The following MYH7B variants were observed in gnomAD, a reference collection of about 807,000 sequenced individuals.
MYH7B encodes myosin heavy chain 7B.
A neutral mutation model predicts 234.5 loss-of-function variants in MYH7B; 205 were observed. The observed-to-expected ratio is 0.87, with a 90% CI of 0.78 to 0.98. The LOEUF (loss-of-function observed/expected upper bound fraction) is 0.98, where lower values mean the gene tolerates loss of function less well. Ranked by LOEUF, MYH7B falls within the 50% of genes least tolerant of loss-of-function variation. The pLI, the probability that MYH7B is intolerant of heterozygous loss-of-function variation, is 0.00. For missense variants in MYH7B, 2,652 were observed against 2,633.4 expected (o/e 1.01, Z -0.15); for synonymous variants, 1,193 against 1,105.0 (o/e 1.08, Z -1.58).
Position 34,987,690 on chromosome 20 carries a change from G to C in MYH7B, c.1266+15G>C. 1 of 1,612,214 alleles carries C rather than the reference G, an allele frequency of 6.2e-7. No individual in the cohort carries two copies. Among genetic ancestry groups the C allele is most frequent in the South Asian group, 1.1e-5 (1 of 90,918 alleles). ...GTGTGGAGCAGGTGAGCTGCCTGCAGGCCAAACCCATGGGGGACAGCCGGG... is the reference window on the plus strand; with the variant it reads ...GTGTGGAGCAGGTGAGCTGCCTGCACGCCAAACCCATGGGGGACAGCCGGG... On this transcript the variant is annotated intron_variant, in intron 17 of 44. Coordinates refer to ENST00000262873, the Ensembl canonical transcript of MYH7B.
chr20:34,966,799 G>C (rs1191956794), intron 2 of MYH7B, among the ~76,000 whole-genome samples: 1 of 152,120 alleles, frequency 6.6e-6, no homozygotes, highest in Non-Finnish European at 1.5e-5. Context: ...GGTGAGGCAC[G>C]CCTATAGTCC....
intron 17 of MYH7B, 40 bp downstream of exon 17, chr20:34,987,715 G>C (rs542887195): frequency 6.2e-7 from 1 of 1,612,598 alleles, no homozygotes; most frequent in African/African-American, 1.3e-5. Context: ...GGACAGCCGG[G>C]CAGGGTCCCC....
At chr20:34,957,748 C>T (rs1461027645) in intron 1 of MYH7B, among the ~76,000 whole-genome samples, 2 of 152,150 alleles carry the variant, frequency 1.3e-5, no homozygotes, top group African/African-American at 4.8e-5. Flanking sequence ...CCCCAGCCTC[C>T]CAGAGTGCTA....
At chr20:34,985,948 A>G in intron 13 of MYH7B, 152 bp from the exon 14 acceptor site, 2 of 673,776 alleles carry the variant, frequency 3.0e-6, no homozygotes, top group Non-Finnish European at 5.3e-6. Context: ...TGACGCAGGC[A>G]CAGGGGAGAT....
At chr20:34,997,331 G>A (rs1414525373) in exon 32 of MYH7B, 14 of 1,546,710 alleles carry the variant, frequency 9.1e-6, no homozygotes, top group East Asian at 2.4e-5. Context: ...GTGCAGAGGC[G>A]GCGCGGGAGC....
chr20:34,982,217 A>G lies in MYH7B; in HGVS notation c.528-242A>G, dbSNP rs187581066. Among the ~76,000 whole-genome samples, 45 of 152,212 alleles carry G rather than the reference A, an allele frequency of 3.0e-4. No homozygotes were observed. The East Asian group carries it at 6.6e-3, about 22-fold the overall frequency. On this transcript the variant is annotated intron_variant, in intron 9 of 44. Transcript: ENST00000262873. ...GGTTTTCTGAGCTGTAACTGAGCCA[A>G]TGGAGTAAAGTGCCGGGCACTGAGT...
chr20:34,987,773 T>G, exon 18 of MYH7B: 3 of 1,614,192 alleles, frequency 1.9e-6, no homozygotes, highest in Non-Finnish European at 2.5e-6. Context: ...AGGTGGTGTT[T>G]GCTGTGGGGG....
At chr20:34,987,814 T>G in exon 18 of MYH7B, 1 of 1,614,102 alleles carries the variant, frequency 6.2e-7, no homozygotes, top group Non-Finnish European at 8.5e-7. Flanking sequence ...GACCGGCTGT[T>G]CAGGTGGCTG....
intron 5 of MYH7B, among the ~76,000 whole-genome samples, chr20:34,978,919 T>G (rs6088667): frequency 0.19 from 29,134 of 151,972 alleles, 2,878 homozygotes; most frequent in Middle Eastern, 0.33. Context: ...CTCAAAGCTC[T>G]GGGGACAGCT....
intron 26 of MYH7B, among the ~76,000 whole-genome samples, 176 bp downstream of exon 26, chr20:34,993,646 G>A (rs868366212): frequency 6.6e-6 from 1 of 152,250 alleles, no homozygotes; most frequent in African/African-American, 2.4e-5. Context: ...CAAAAAACGG[G>A]GTACGGCACT....
At chr20:34,991,549 A>G (rs1297907583) in intron 24 of MYH7B, among the ~76,000 whole-genome samples, 1 of 152,212 alleles carries the variant, frequency 6.6e-6, no homozygotes, top group Non-Finnish European at 1.5e-5. Flanking sequence ...CCTCCAGCAG[A>G]CATCCTAGAA....
chr20:34,999,820 G>C (rs185140784), exon 38 of MYH7B: 87 of 1,603,108 alleles, frequency 5.4e-5, no homozygotes, highest in Non-Finnish European at 6.6e-5. Context: ...AGACCAAGAC[G>C]CTGCGGATCC....
chr20:34,971,402 C>T (rs1202172081), intron 2 of MYH7B, among the ~76,000 whole-genome samples: 1 of 152,180 alleles, frequency 6.6e-6, no homozygotes, highest in Non-Finnish European at 1.5e-5. Flanking sequence ...ACCCCCTCCC[C>T]CCAGTAACCT....
chr20:34,959,373 T>G (rs927209277), intron 2 of MYH7B, among the ~76,000 whole-genome samples: 4 of 152,192 alleles, frequency 2.6e-5, no homozygotes, highest in African/African-American at 4.8e-5. Context: ...GGGAGATGAT[T>G]TGCCCTGAGC....
At chr20:34,988,398 ATG>A in intron 19 of MYH7B, 136 bp downstream of exon 19, 1 of 989,150 alleles carries the variant, frequency 1.0e-6, no homozygotes, top group South Asian at 1.7e-5. Context: ...GTAAGCATGC[ATG>A]TGAGTGTAGT....
intron 32 of MYH7B, among the ~76,000 whole-genome samples, chr20:34,997,954 T>A (rs2082295456): frequency 6.6e-6 from 1 of 152,164 alleles, no homozygotes; most frequent in African/African-American, 2.4e-5. Flanking sequence ...CCTCTCTTCC[T>A]GTCCTGAACC....
chr20:34,994,340 T>C (rs1276131857), exon 27 of MYH7B: 2 of 1,607,238 alleles, frequency 1.2e-6, no homozygotes, highest in East Asian at 4.5e-5. Context: ...CGCCAGGAAC[T>C]GGAGGAGACG....
In MYH7B at chr20:34,994,466, G is replaced by C. The variant is rs987120911; in HGVS notation, c.2700+65G>C. On this transcript the variant is annotated intron_variant, in intron 27 of 44. Transcript: ENST00000262873. ...CCGAGTACCCCTGGCTGCTCTGAGG[G>C]ATAGTACAGCGAGACCCATGGGGCT... 39 of 1,494,838 alleles carry C rather than the reference G, an allele frequency of 2.6e-5. No individual in the cohort carries two copies. The South Asian group carries it at 5.3e-4, about 20-fold the overall frequency. 92.6% of individuals were successfully genotyped at this position (1,494,838 alleles called of 1,614,324 possible). A position where few individuals can be genotyped will look rare whatever the true frequency, so the allele number is the denominator to read the frequency against.
chr20:34,997,898 G>T (rs2082294283), intron 32 of MYH7B, among the ~76,000 whole-genome samples: 1 of 152,112 alleles, frequency 6.6e-6, no homozygotes. Context: ...ACCAGCAGTA[G>T]TTGTGACCCT....
Sources: gnomAD v4.1 joint callset for allele counts (sites outside exome capture counted in the v4.1 genomes callset) on GRCh38, gnomAD v4.1.1 for gene constraint, MANE v1.5 for transcripts, NCBI Gene and HGNC (gene_info 2026-07-23, HGNC 2026-07-21) for gene names.